SMYD4: variants seen among roughly 807,000 people sequenced by gnomAD.
SMYD4 encodes protein-lysine N-methyltransferase SMYD4.
In SMYD4, 68 loss-of-function variants were observed where a neutral mutation model predicts 72.8. That is an observed-to-expected ratio of 0.93 (90% confidence interval 0.77 to 1.14). The LOEUF is 1.14. Ranked by LOEUF, SMYD4 falls within the 50% of genes most tolerant of loss-of-function variation. SMYD4 has a pLI of 0.00. For missense variants in SMYD4, 984 were observed against 1,003.7 expected (o/e 0.98, Z 0.27); for synonymous variants, 407 against 388.6 (o/e 1.05, Z -0.56).
chr17:1,783,021 G>C lies in SMYD4; in HGVS notation c.2261+14C>G. The C allele has an allele frequency of 6.2e-7, 1 of 1,612,692 alleles. No individual in the cohort carries two copies. The highest frequency in any genetic ancestry group is 8.5e-7 in the Non-Finnish European group (1 of 1,179,592). ...GGAACAGTGTGTGCCCTGTGAAGTG[G>C]GAAAGGGACTCACCCGTTGAAAAAG... On this transcript the variant is annotated intron_variant, in intron 10 of 10. Transcript: ENST00000305513.
chr17:1,820,846 TTTAAAC>T (rs1482281770), intron 2 of SMYD4, among the ~76,000 whole-genome samples: 2 of 152,210 alleles, frequency 1.3e-5, no homozygotes, highest in Non-Finnish European at 2.9e-5. Flanking sequence ...TGTGCTTGGC[TTTAAAC>T]TTTAAAGGGC....
chr17:1,782,302 A>G (rs1908407076), intron 10 of SMYD4: 1 of 151,898 alleles, frequency 6.6e-6, no homozygotes, highest in Non-Finnish European at 1.5e-5. Context: ...TGTACCCGGG[A>G]GGATGCTTAG....
chr17:1,792,243 G>A (rs1597372367), intron 5 of SMYD4, among the ~76,000 whole-genome samples: 1 of 151,924 alleles, frequency 6.6e-6, no homozygotes, highest in South Asian at 2.1e-4. Flanking sequence ...GGGGTTTCAC[G>A]TTAGCCAGGA....
chr17:1,812,465 G>A (rs1380741418), intron 2 of SMYD4, among the ~76,000 whole-genome samples: 1 of 150,382 alleles, frequency 6.6e-6, no homozygotes, highest in Non-Finnish European at 1.5e-5. Context: ...GCTAATGTTT[G>A]TACTTTTAGT....
At chr17:1,798,997 C>T (rs1194632485) in intron 5 of SMYD4, among the ~76,000 whole-genome samples, 4 of 151,666 alleles carry the variant, frequency 2.6e-5, no homozygotes, top group Non-Finnish European at 5.9e-5. Flanking sequence ...AACAGCCAGG[C>T]ACGGTGGCTC....
At chr17:1,795,339 C>A (rs1483095658) in intron 5 of SMYD4, among the ~76,000 whole-genome samples, 1 of 69,820 alleles carries the variant, frequency 1.4e-5, no homozygotes, top group Non-Finnish European at 5.7e-5. Flanking sequence ...TCTATCTAAT[C>A]ATCTATCTAT....
chr17:1,825,925 A>G (rs1430225977), intron 2 of SMYD4, among the ~76,000 whole-genome samples: 1 of 150,740 alleles, frequency 6.6e-6, no homozygotes, highest in Non-Finnish European at 1.5e-5. Flanking sequence ...ACATACTGAG[A>G]CCTTGTGTCT....
intron 2 of SMYD4, among the ~76,000 whole-genome samples, chr17:1,823,581 T>G (rs565224118): frequency 6.6e-6 from 1 of 152,230 alleles, no homozygotes; most frequent in Non-Finnish European, 1.5e-5. Context: ...TGCTTTCAAG[T>G]ACCCTTTCTC....
At chr17:1,822,992 A>G (rs1014717827) in intron 2 of SMYD4, among the ~76,000 whole-genome samples, 1 of 152,178 alleles carries the variant, frequency 6.6e-6, no homozygotes, top group African/African-American at 2.4e-5. Flanking sequence ...AGGAAATTTA[A>G]TATTGTAAAG....
chr17:1,821,476 T>C (rs1355823524), intron 2 of SMYD4, among the ~76,000 whole-genome samples: 1 of 152,086 alleles, frequency 6.6e-6, no homozygotes, highest in Non-Finnish European at 1.5e-5. Context: ...ACGGCACTAT[T>C]GCACTCCAGG....
intron 3 of SMYD4, among the ~76,000 whole-genome samples, chr17:1,807,632 G>A (rs1910112539): frequency 6.6e-6 from 1 of 152,072 alleles, no homozygotes. Flanking sequence ...CAAAGTGCTA[G>A]GATTACAGGT....
chr17:1,783,179 T>C lies in SMYD4; in HGVS notation c.2138-21A>G, dbSNP rs370717475. Reference sequence around the variant, plus strand: ...GTCTCCTGTGAGAAGAGAAAAATCTTGTTCCAGAAAAGAACCACTGTCAAC... The same window carrying C: ...GTCTCCTGTGAGAAGAGAAAAATCTCGTTCCAGAAAAGAACCACTGTCAAC... On this transcript the variant is annotated intron_variant, in intron 9 of 10. Transcript: ENST00000305513. The C allele has an allele frequency of 9.9e-6, 16 of 1,613,986 alleles. No individual in the cohort carries two copies. The African/African-American group carries it at 1.1e-4, about 11-fold the overall frequency.
chr17:1,787,598 T>C lies in SMYD4; in HGVS notation c.1544A>G (p.Lys515Arg). The change falls in exon 6 of 11, where the codon AAA becomes AGA. Residue 515 changes from lysine (K) to arginine (R), a missense_variant. By Grantham distance (26) the Lys-to-Arg change is conservative. Transcript: ENST00000305513. ...AMTTIQHTGP[K>R]GSIVTDSRQV... ...CCTGCTGTCGGTAACGATGCTCCCTTTAGGTCCTGAAAGGGCAAGAGGAAA... is the reference window on the plus strand; with the variant it reads ...CCTGCTGTCGGTAACGATGCTCCCTCTAGGTCCTGAAAGGGCAAGAGGAAA... 1 of 1,585,564 alleles carries C rather than the reference T, an allele frequency of 6.3e-7. No individual in the cohort carries two copies. Among genetic ancestry groups the C allele is most frequent in the Non-Finnish European group, 8.6e-7 (1 of 1,165,854 alleles).
Position 1,783,444 on chromosome 17 carries a change from G to A in SMYD4, c.2053C>T (p.Arg685Cys), listed in dbSNP as rs779254160. 3.1e-6 allele frequency: 5 copies of A among 1,611,592 alleles called. No homozygotes were observed. The highest frequency in any genetic ancestry group is 3.3e-5 in the Admixed American group (2 of 59,798). ...RAVQRLSGCQ[R>C]DAESFLWAEH... ...GCCCACAGGAAGCTCTCGGCGTCAC[G>A]CTGGCACCCCGACAGCCGCTGAACA... The change falls in exon 9 of 11, where the codon CGT (arginine) becomes TGT (cysteine). Residue 685 changes from arginine to cysteine, a missense_variant. Transcript: ENST00000305513.
At chr17:1,790,555 C>A (rs146884053) in intron 5 of SMYD4, among the ~76,000 whole-genome samples, 1 of 151,952 alleles carries the variant, frequency 6.6e-6, no homozygotes, top group African/African-American at 2.4e-5. Context: ...CTCACTCTGT[C>A]GCCTAGGCTG....
At chr17:1,797,184 G>A (rs1194704834) in intron 5 of SMYD4, among the ~76,000 whole-genome samples, 4 of 152,164 alleles carry the variant, frequency 2.6e-5, no homozygotes, top group African/African-American at 4.8e-5. Context: ...GAGATCAAAT[G>A]AGCTAAGCAT....
chr17:1,791,562 G>A (rs1198319637), intron 5 of SMYD4, among the ~76,000 whole-genome samples: 3 of 152,106 alleles, frequency 2.0e-5, no homozygotes, highest in Non-Finnish European at 2.9e-5. Context: ...TTAGAAATAT[G>A]AGCAGACTAA....
In SMYD4 at chr17:1,799,869, TG is replaced by T; in HGVS notation, c.1524del (p.Ile509TyrfsTer30). On this transcript the variant is annotated frameshift_variant, in exon 5 of 11. Transcript: ENST00000305513. LOFTEE classifies it high-confidence loss of function. ...GGTTCCCTCTTACCTGTGTGTTGTATGGTGGTCATCGCCTGAGCGTTACACT... is the reference window on the plus strand; with the variant it reads ...GGTTCCCTCTTACCTGTGTGTTGTATGTGGTCATCGCCTGAGCGTTACACT... ...QLQCNAQAMT[T>X]IQHTGPKGSI... The T allele has an allele frequency of 6.2e-7, 1 of 1,600,020 alleles. No individual in the cohort carries two copies. Among genetic ancestry groups the T allele is most frequent in the East Asian group, 2.2e-5 (1 of 44,666 alleles).
At chr17:1,801,150 G>A (rs1909726560) in intron 4 of SMYD4, 126 bp from the exon 5 acceptor site, 1 of 810,360 alleles carries the variant, frequency 1.2e-6, no homozygotes, top group African/African-American at 1.7e-5. Context: ...ACAACCACAT[G>A]CTTATTAAAA....
Sources: gnomAD v4.1 joint callset for allele counts (sites outside exome capture counted in the v4.1 genomes callset) on GRCh38, gnomAD v4.1.1 for gene constraint, MANE v1.5 for transcripts, NCBI Gene and HGNC (gene_info 2026-07-23, HGNC 2026-07-21) for gene names.